DDX6: variants seen among roughly 807,000 people sequenced by gnomAD.
DDX6 encodes the protein DEAD-box helicase 6, also known as probable ATP-dependent RNA helicase DDX6.
A neutral mutation model predicts 60.6 loss-of-function variants in DDX6; 7 were observed. The ratio of observed to expected loss-of-function variants is 0.12; its 90% confidence interval spans 0.07 to 0.22. The LOEUF is 0.22. Ranked by LOEUF, DDX6 falls within the 10% of genes least tolerant of loss-of-function variation. The pLI is 1.00. For synonymous variants in DDX6, 207 were observed against 201.0 expected, an observed-to-expected ratio of 1.03 and a Z score of -0.25; for missense variants, 270 against 589.9, an observed-to-expected ratio of 0.46 and a Z score of 5.62.
chr11:118,767,623 C>G (rs552050716), intron 5 of DDX6: 1 of 124,966 alleles, frequency 8.0e-6, no homozygotes, highest in Non-Finnish European at 1.6e-5. Flanking sequence ...TGACCTCAGC[C>G]GCCTTTTTTT....
intron 4 of DDX6, among the ~76,000 whole-genome samples, chr11:118,777,395 T>C (rs150744839): frequency 9.4e-4 from 143 of 152,292 alleles, no homozygotes; most frequent in African/African-American, 3.0e-3. Context: ...TGTATATTTA[T>C]GTGTATGTGT....
intron 6 of DDX6, 80 bp from the exon 7 acceptor site, chr11:118,763,386 C>G: frequency 3.8e-6 from 4 of 1,051,976 alleles, no homozygotes; most frequent in Non-Finnish European, 5.8e-6. Context: ...TATTACAGTC[C>G]TGAGCTGCTT....
intron 5 of DDX6, among the ~76,000 whole-genome samples, chr11:118,767,390 TAAAA>T (rs538386374): frequency 6.6e-6 from 1 of 152,194 alleles, no homozygotes; most frequent in Non-Finnish European, 1.5e-5. Flanking sequence ...TCACGAAAGC[TAAAA>T]ATGTAAAGTT....
intron 5 of DDX6, 116 bp from the exon 6 acceptor site, chr11:118,765,471 T>A: frequency 9.3e-7 from 1 of 1,077,158 alleles, no homozygotes; most frequent in Non-Finnish European, 1.4e-6. Context: ...TATGATGCAG[T>A]GGCTCACACC....
chr11:118,783,330 G>A (rs1861965055), intron 2 of DDX6, among the ~76,000 whole-genome samples: 1 of 152,188 alleles, frequency 6.6e-6, no homozygotes, highest in African/African-American at 2.4e-5. Flanking sequence ...AGGCTTGAGT[G>A]CAGTGGTGCG....
intron 2 of DDX6, among the ~76,000 whole-genome samples, chr11:118,784,844 G>T (rs144239552): frequency 2.0e-5 from 3 of 151,196 alleles, no homozygotes; most frequent in Non-Finnish European, 4.4e-5. Flanking sequence ...TCCGCCTCCC[G>T]GGTTTAAGTG....
chr11:118,756,040 C>CA (rs1860965077), intron 11 of DDX6, among the ~76,000 whole-genome samples: 1 of 107,560 alleles, frequency 9.3e-6, no homozygotes, highest in East Asian at 3.1e-4. Flanking sequence ...AAAAAAAAGA[C>CA]AGAGATGAGG....
intron 7 of DDX6, among the ~76,000 whole-genome samples, chr11:118,760,569 TC>T (rs1861129408): frequency 1.3e-5 from 2 of 152,260 alleles, no homozygotes; most frequent in Admixed American, 1.3e-4. Context: ...ACGCCTGTAA[TC>T]CCAGCACTTT....
chr11:118,760,953 G>A (rs1319390953), intron 7 of DDX6, among the ~76,000 whole-genome samples: 2 of 151,828 alleles, frequency 1.3e-5, no homozygotes, highest in East Asian at 1.9e-4. Flanking sequence ...AAGACTGGTT[G>A]ATATGGTGAA....
At chr11:118,756,140 T>A in intron 11 of DDX6, 120 bp downstream of exon 11, 1 of 688,262 alleles carries the variant, frequency 1.5e-6, no homozygotes, top group East Asian at 2.9e-5. Context: ...TCAGAAATCC[T>A]AGAAGTAGTG....
intron 1 of DDX6, chr11:118,787,997 T>A (rs1327520104): frequency 6.7e-6 from 1 of 150,104 alleles, no homozygotes; most frequent in Non-Finnish European, 1.5e-5. Flanking sequence ...TAAAGCTAAT[T>A]AATAGTTTAA....
At chr11:118,781,474 T>C (rs1231683740) in intron 2 of DDX6, among the ~76,000 whole-genome samples, 1 of 152,202 alleles carries the variant, frequency 6.6e-6, no homozygotes, top group Non-Finnish European at 1.5e-5. Context: ...CAGCATGTGT[T>C]TTAATTTAAA....
rs1207795266 is a variant in DDX6 at position 118,768,231 on chromosome 11, T to C, written c.491A>G (p.Asn164Ser). 6.8e-6 allele frequency: 11 copies of C among 1,613,634 alleles called. No homozygotes were observed. Among genetic ancestry groups the C allele is most frequent in the Admixed American group, 1.7e-5 (1 of 59,972 alleles). Residue 164 changes from asparagine to serine, a missense_variant, in exon 5 of 14, where the codon AAT becomes AGT. Physicochemically the swap from Asn to Ser is conservative, Grantham distance 46. This residue lies in a region of DDX6 where 17 missense variants were observed against 18.6 expected (regional missense o/e 0.91). Coordinates refer to ENST00000534980, the MANE Select transcript of DDX6 (RefSeq NM_004397.6). The stretch of plus-strand genomic sequence containing the variant: ...ACTTTTATTCAACTAACCTTGTATA[T>C]TGTCCTTCTTCAGGTCTAGCCGTTC... The part of the protein sequence containing the change: ...LLERLDLKKD[N>S]IQAMVIVPTR...
chr11:118,781,107 T>C lies in DDX6; in HGVS notation c.264+14A>G, dbSNP rs782493472. On this transcript the variant is annotated intron_variant, in intron 3 of 13. Coordinates refer to ENST00000534980, the MANE Select transcript of DDX6 (RefSeq NM_004397.6). Reference sequence around the variant, plus strand: ...CCCCACCATTATTCTACTTGTATTTTACAACCAACTTACCGAAGTTTTGAT... The same window carrying C: ...CCCCACCATTATTCTACTTGTATTTCACAACCAACTTACCGAAGTTTTGAT... 6.7e-5 allele frequency: 106 copies of C among 1,574,122 alleles called. 1 individual carries two copies. In the South Asian group the frequency reaches 1.2e-3, roughly 17 times the overall value.
rs1860935038 is a variant in DDX6 at position 118,755,516 on chromosome 11, A to G, written c.1175-13T>C. ...CGGGTAAACAGATCTTAAAAAAAAA[A>G]AGATAATTTTCATTTTTTCAATTTA... On this transcript the variant is annotated splice_polypyrimidine_tract_variant and intron_variant, in intron 11 of 13. Transcript: ENST00000534980. 1.4e-6 allele frequency: 2 copies of G among 1,450,902 alleles called. No individual in the cohort carries two copies. Among genetic ancestry groups the G allele is most frequent in the Non-Finnish European group, 1.9e-6 (2 of 1,038,628 alleles). 89.9% of individuals were successfully genotyped at this position (1,450,902 alleles called of 1,614,324 possible).
rs1555157332 is a variant in DDX6 at position 118,751,496 on chromosome 11, G to A, written c.*609C>T. The A allele has an allele frequency of 6.6e-5, 10 of 152,488 alleles. No homozygotes were observed. Among genetic ancestry groups the A allele is most frequent in the Non-Finnish European group, 1.5e-4 (10 of 68,386 alleles). 9.4% of individuals were successfully genotyped at this position (152,488 alleles called of 1,614,324 possible). A position where few individuals can be genotyped will look rare whatever the true frequency, so the allele number is the denominator to read the frequency against. On this transcript the variant is annotated 3_prime_UTR_variant, in exon 14 of 14. Transcript: ENST00000534980. ...ACTTCTAGCCCTGGGCTCGAGTACT[G>A]GGTAGAAAGGGAAGAGACTTCAACC...
intron 10 of DDX6, among the ~76,000 whole-genome samples, chr11:118,756,706 A>G (rs1860990258): frequency 6.6e-6 from 1 of 152,218 alleles, no homozygotes; most frequent in Non-Finnish European, 1.5e-5. Flanking sequence ...CTTCTATAAT[A>G]AAGGAAATAT....
chr11:118,777,076 A>C (rs1368145819), intron 4 of DDX6, among the ~76,000 whole-genome samples: 1 of 151,956 alleles, frequency 6.6e-6, no homozygotes. Flanking sequence ...ATCTTCCTCT[A>C]ATGACTACAT....
rs552021711 is a variant in DDX6 at position 118,789,603 on chromosome 11, T to G, written c.-268+1495A>C. The G allele has an allele frequency of 7.2e-4, 110 of 152,326 alleles. 1 individual carries two copies. The highest frequency in any genetic ancestry group is 2.5e-3 in the African/African-American group (106 of 41,572). 9.4% of individuals were successfully genotyped at this position (152,326 alleles called of 1,614,324 possible). A position where few individuals can be genotyped will look rare whatever the true frequency, so the allele number is the denominator to read the frequency against. On this transcript the variant is annotated intron_variant, in intron 1 of 13. Transcript: ENST00000534980. ...GCTGTTTACTTCAGACTCTGACCTC[T>G]TAAGCAGATATGGTTAACAGCTACT...
Sources: allele counts gnomAD v4.1 joint callset (sites outside exome capture counted in the v4.1 genomes callset), GRCh38; gene constraint gnomAD v4.1.1; regional missense constraint gnomAD v4.1.1; transcripts MANE v1.5; gene names NCBI Gene and HGNC (gene_info 2026-07-23, HGNC 2026-07-21).